The following RASGRP3 variants were observed in gnomAD, a reference collection of about 807,000 sequenced individuals.
RASGRP3 encodes the protein ras guanyl-releasing protein 3.
A neutral mutation model predicts 82.7 loss-of-function variants in RASGRP3; 54 were observed. The ratio of observed to expected loss-of-function variants is 0.65; its 90% CI spans 0.52 to 0.82. RASGRP3 has a LOEUF of 0.82. Ranked by LOEUF, RASGRP3 falls within the 40% of genes least tolerant of loss-of-function variation. The probability of loss-of-function intolerance (pLI) is 0.00; values close to 1 mark genes in which losing one functional copy is unlikely to be tolerated. For missense variants in RASGRP3, 861 were observed against 828.9 expected, an observed-to-expected ratio of 1.04 and a Z score of -0.48; for synonymous variants, 309 against 300.5, an observed-to-expected ratio of 1.03 and a Z score of -0.29.
chr2:33,533,177 T>C (rs1673267051), intron 10 of RASGRP3: 2 of 152,274 alleles, frequency 1.3e-5, no homozygotes. Flanking sequence ...TTCAGGTTTA[T>C]TTTAAGCCTC....
chr2:33,528,055 T>A (rs767190053), intron 10 of RASGRP3, among the ~76,000 whole-genome samples: 12 of 152,200 alleles, frequency 7.9e-5, no homozygotes, highest in Non-Finnish European at 1.8e-4. Flanking sequence ...AACCCATCCA[T>A]GTGGCAAGTT....
chr2:33,529,815 G>A (rs1672937335), intron 10 of RASGRP3, among the ~76,000 whole-genome samples: 1 of 151,760 alleles, frequency 6.6e-6, no homozygotes, highest in African/African-American at 2.4e-5. Flanking sequence ...TAAACTTCTA[G>A]GATTCTAGAT....
chr2:33,522,899 A>G (rs1672168815), intron 7 of RASGRP3, among the ~76,000 whole-genome samples: 2 of 152,218 alleles, frequency 1.3e-5, no homozygotes, highest in African/African-American at 4.8e-5. Context: ...GACCTTAACA[A>G]TTCCCCACAG....
At chr2:33,482,959 G>A (rs1001315826) in intron 1 of RASGRP3, 10 of 151,826 alleles carry the variant, frequency 6.6e-5, no homozygotes, top group African/African-American at 2.4e-4. Flanking sequence ...GCTGACTTGA[G>A]CATTTTTCTT....
chr2:33,518,599 A>C (rs1671682243), intron 4 of RASGRP3, among the ~76,000 whole-genome samples: 2 of 152,244 alleles, frequency 1.3e-5, no homozygotes, highest in African/African-American at 4.8e-5. Flanking sequence ...AAACCTTTAA[A>C]AACTTTTTAG....
chr2:33,439,581 A>G (rs1434642243), intron 1 of RASGRP3, among the ~76,000 whole-genome samples: 1 of 152,238 alleles, frequency 6.6e-6, no homozygotes, highest in Non-Finnish European at 1.5e-5. Flanking sequence ...GACTTAGTGC[A>G]TGGGACCTAC....
rs1293694690 is a variant in RASGRP3, at chr2:33,563,912, AT to A, written c.*1177del. ...CCATGATTAGAGGAGAGAGAACTTGATTCAAGATACTGAAAAATAGAGCTGG... is the reference window on the plus strand; with the variant it reads ...CCATGATTAGAGGAGAGAGAACTTGATCAAGATACTGAAAAATAGAGCTGG... On this transcript the variant is annotated 3_prime_UTR_variant, in exon 18 of 18. Transcript: ENST00000403687. The A allele has an allele frequency of 1.3e-5, 2 of 152,142 alleles. No individual in the cohort carries two copies. Among genetic ancestry groups the A allele is most frequent in the Non-Finnish European group, 2.9e-5 (2 of 68,020 alleles). 9.4% of individuals were successfully genotyped at this position (152,142 alleles called of 1,614,324 possible). A position where few individuals can be genotyped will look rare whatever the true frequency, so the allele number is the denominator to read the frequency against.
chr2:33,440,952 G>A (rs1665192112), intron 1 of RASGRP3, among the ~76,000 whole-genome samples: 1 of 152,024 alleles, frequency 6.6e-6, no homozygotes. Context: ...GAATGCAGTG[G>A]CACAAGCTCG....
chr2:33,537,535 A>G (rs982371816), intron 11 of RASGRP3, among the ~76,000 whole-genome samples: 1 of 151,500 alleles, frequency 6.6e-6, no homozygotes, highest in Non-Finnish European at 1.5e-5. Context: ...ATTTTTTTCT[A>G]TTTTTAGTAG....
chr2:33,531,719 A>G (rs1216565341), intron 10 of RASGRP3: 1 of 152,218 alleles, frequency 6.6e-6, no homozygotes, highest in East Asian at 1.9e-4. Flanking sequence ...GACTACCAAA[A>G]CATTTCCATC....
At position 33,542,657 on chromosome 2, in the gene RASGRP3, T is replaced by TCC. The variant is rs371980711; in HGVS notation, c.1279-847_1279-846dup. Among the ~76,000 whole-genome samples the TCC allele has an allele frequency of 4.2e-3, 600 of 143,444 alleles. 15 individuals are homozygous for TCC. Among genetic ancestry groups the TCC allele is most frequent in the African/African-American group, 0.014 (575 of 40,370 alleles). The allele number at this position is 143,444 out of a possible 152,430, so 94.1% of individuals were successfully genotyped here. A position where few individuals can be genotyped will look rare whatever the true frequency, so the allele number is the denominator to read the frequency against. ...AACCTTTCTTAATCCACCTCCTCTT[T>TCC]CCCCCCCCCACCAATATCACTCTAT... On this transcript the variant is annotated intron_variant, in intron 12 of 17. Coordinates refer to ENST00000403687, the MANE Select transcript of RASGRP3 (RefSeq NM_001139488.2).
At chr2:33,558,545 T>C (rs982161809) in intron 16 of RASGRP3, 127 bp from the exon 17 acceptor site, 7 of 1,121,426 alleles carry the variant, frequency 6.2e-6, no homozygotes, top group Admixed American at 5.5e-5. Context: ...CTGCGGCTAA[T>C]TGAGTTCTGT....
At chr2:33,444,998 A>C (rs1665427462) in intron 1 of RASGRP3, among the ~76,000 whole-genome samples, 2 of 152,236 alleles carry the variant, frequency 1.3e-5, no homozygotes. Flanking sequence ...TTAGCAATGG[A>C]AACACACACA....
intron 1 of RASGRP3, chr2:33,481,564 G>A (rs1400666694): frequency 2.6e-5 from 4 of 152,144 alleles, no homozygotes; most frequent in Admixed American, 6.5e-5. Context: ...TGTGTAATTT[G>A]TATTCTCTTC....
chr2:33,540,584 G>A (rs1674194347), intron 12 of RASGRP3, among the ~76,000 whole-genome samples: 1 of 111,514 alleles, frequency 9.0e-6, no homozygotes, highest in Admixed American at 1.1e-4. Context: ...GTGTGTGTGT[G>A]TGTGTGTGTG....
chr2:33,503,652 A>G (rs2150985059), intron 1 of RASGRP3, among the ~76,000 whole-genome samples: 1 of 152,282 alleles, frequency 6.6e-6, no homozygotes. Context: ...TCTAGCTCCA[A>G]ATCCCTGATT....
intron 11 of RASGRP3, among the ~76,000 whole-genome samples, chr2:33,534,745 T>C (rs1038321402): frequency 6.7e-6 from 1 of 149,828 alleles, no homozygotes; most frequent in African/African-American, 2.5e-5. Flanking sequence ...GATTTCACTA[T>C]GTTGGCCCCG....
intron 2 of RASGRP3, among the ~76,000 whole-genome samples, chr2:33,453,903 T>C (rs981011952): frequency 2.6e-5 from 4 of 152,216 alleles, no homozygotes; most frequent in African/African-American, 9.7e-5. Flanking sequence ...AGTGGGGGTT[T>C]TTTTGGGTTA....
intron 1 of RASGRP3, among the ~76,000 whole-genome samples, chr2:33,506,519 C>T (rs949776340): frequency 1.3e-5 from 2 of 152,088 alleles, no homozygotes; most frequent in South Asian, 2.1e-4. Flanking sequence ...CATTACGTTG[C>T]GACCAACAAA....
Sources: allele counts gnomAD v4.1 joint callset (sites outside exome capture counted in the v4.1 genomes callset), GRCh38; gene constraint gnomAD v4.1.1; transcripts MANE v1.5; gene names NCBI Gene and HGNC (gene_info 2026-07-23, HGNC 2026-07-21).